The following OR5A1 variants were observed in gnomAD, a reference collection of about 807,000 sequenced individuals.
The protein encoded by OR5A1 is olfactory receptor 5A1.
Under a neutral mutation model 6.7 loss-of-function variants are expected in OR5A1, and 6 were observed. That is an observed-to-expected ratio of 0.89 (90% confidence interval 0.49 to 1.76). OR5A1 has a LOEUF of 1.76. Among genes scored for constraint, OR5A1 ranks in the 40% most tolerant of loss-of-function variants. The pLI is 0.01. For synonymous variants in OR5A1, 170 were observed against 155.0 expected (o/e 1.10, Z -0.72); for missense variants, 378 against 381.7 (o/e 0.99, Z 0.08).
At position 59,445,941 on chromosome 11, in the gene OR5A1, T is replaced by A. The variant is rs562917508; in HGVS notation, c.*1825T>A. 3.3e-5 allele frequency: 5 copies of A among 152,276 alleles called. No homozygotes were observed. Among genetic ancestry groups the A allele is most frequent in the Non-Finnish European group, 7.4e-5 (5 of 68,012 alleles). 9.4% of individuals were successfully genotyped at this position (152,276 alleles called of 1,614,324 possible). Reference sequence around the variant, plus strand: ...AAATTTTCTCCCATTCTGTAGGTTGTCTGTTCATTCTAATGATAGCTTCTT... The same window carrying A: ...AAATTTTCTCCCATTCTGTAGGTTGACTGTTCATTCTAATGATAGCTTCTT... On this transcript the variant is annotated 3_prime_UTR_variant, in exon 2 of 2. Transcript: ENST00000641045.
chr11:59,449,483 T>A lies in OR5A1; in HGVS notation c.*5367T>A, dbSNP rs1858591135. The stretch of plus-strand genomic sequence containing the variant: ...AAAATACTGGGCTTCCTAAGACACA[T>A]TCAAATAAGGTAATTTTTCAAAAAT... On this transcript the variant is annotated 3_prime_UTR_variant, in exon 2 of 2. Coordinates refer to ENST00000641045, the MANE Select transcript of OR5A1 (RefSeq NM_001004728.2). 1 of 152,160 alleles carries A rather than the reference T, an allele frequency of 6.6e-6. No homozygotes were observed. The highest frequency in any genetic ancestry group is 2.4e-5 in the African/African-American group (1 of 41,446). 9.4% of individuals were successfully genotyped at this position (152,160 alleles called of 1,614,324 possible).
rs1858524682 is a variant in OR5A1 at position 59,444,404 on chromosome 11, T to C, written c.*288T>C. 1 of 256,866 alleles carries C rather than the reference T, an allele frequency of 3.9e-6. No homozygotes were observed. Among genetic ancestry groups the C allele is most frequent in the East Asian group, 6.7e-5 (1 of 14,842 alleles). The allele number at this position is 256,866 out of a possible 1,614,324, so 15.9% of individuals were successfully genotyped here. On this transcript the variant is annotated 3_prime_UTR_variant, in exon 2 of 2. Coordinates refer to ENST00000641045, the MANE Select transcript of OR5A1 (RefSeq NM_001004728.2). ...TAACTAGCCTTTATTGGGCCCTTAGTATGTACCAGGCACAAAAGTTATTTA... is the reference window on the plus strand; with the variant it reads ...TAACTAGCCTTTATTGGGCCCTTAGCATGTACCAGGCACAAAAGTTATTTA...
intron 1 of OR5A1, among the ~76,000 whole-genome samples, chr11:59,438,622 G>A (rs1270145784): frequency 1.3e-5 from 2 of 152,114 alleles, no homozygotes; most frequent in Non-Finnish European, 2.9e-5. Context: ...AAGTACATTT[G>A]AGCCCTTGCA....
At position 59,444,320 on chromosome 11, in the gene OR5A1, A is replaced by G. The variant is rs557202571; in HGVS notation, c.*204A>G. 2,989 of 142,800 alleles carry G rather than the reference A, an allele frequency of 0.021. 26 individuals are homozygous for G. Among genetic ancestry groups the G allele is most frequent in the Non-Finnish European group, 0.031 (2,328 of 74,204 alleles). The allele number at this position is 142,800 out of a possible 1,614,324, so 8.8% of individuals were successfully genotyped here. A position where few individuals can be genotyped will look rare whatever the true frequency, so the allele number is the denominator to read the frequency against. Reference sequence around the variant, plus strand: ...CCAAAAAGGGAAGGAATTTCTTCAGAAAAAAAAAAAAAAAAAAAAGAACCT... The same window carrying G: ...CCAAAAAGGGAAGGAATTTCTTCAGGAAAAAAAAAAAAAAAAAAAGAACCT... On this transcript the variant is annotated 3_prime_UTR_variant, in exon 2 of 2. Transcript: ENST00000641045.
rs531092347 is a variant in OR5A1 at position 59,450,642 on chromosome 11, G to A, written c.*6526G>A. On this transcript the variant is annotated 3_prime_UTR_variant, in exon 2 of 2. Transcript: ENST00000641045. ...TTTTTTTAATTAGACACAACAGAAC[G>A]TCTTTTTAAAATAAAAATGCCAAAA... 15 of 152,066 alleles carry A rather than the reference G, an allele frequency of 9.9e-5. No homozygotes were observed. Among genetic ancestry groups the A allele is most frequent in the African/African-American group, 2.7e-4 (11 of 41,472 alleles). 9.4% of individuals were successfully genotyped at this position (152,066 alleles called of 1,614,324 possible). A position where few individuals can be genotyped will look rare whatever the true frequency, so the allele number is the denominator to read the frequency against.
Position 59,444,156 on chromosome 11 carries a change from T to A in OR5A1, c.*40T>A, listed in dbSNP as rs748185154. The A allele has an allele frequency of 7.1e-7, 1 of 1,400,536 alleles. No individual in the cohort carries two copies. The highest frequency in any genetic ancestry group is 2.3e-5 in the East Asian group (1 of 43,788). The allele number at this position is 1,400,536 out of a possible 1,614,324, so 86.8% of individuals were successfully genotyped here. On this transcript the variant is annotated 3_prime_UTR_variant, in exon 2 of 2. Transcript: ENST00000641045. ...CTTATTTATCCAAACTGCTGGAGAA[T>A]TAAACAATCCAAGCCTTCACCTCCA... is the stretch of plus-strand genomic sequence containing the variant.
In OR5A1 at chr11:59,444,138, A is replaced by T; in HGVS notation, c.*22A>T. 6.6e-7 allele frequency: 1 copy of T among 1,504,220 alleles called. No homozygotes were observed. The highest frequency in any genetic ancestry group is 1.1e-5 in the South Asian group (1 of 87,352). The allele number at this position is 1,504,220 out of a possible 1,614,324, so 93.2% of individuals were successfully genotyped here. On this transcript the variant is annotated 3_prime_UTR_variant, in exon 2 of 2. Transcript: ENST00000641045. Reference sequence around the variant, plus strand: ...TTAGGTCATGCGTAGAAACTTATTTATCCAAACTGCTGGAGAATTAAACAA... The same window carrying T: ...TTAGGTCATGCGTAGAAACTTATTTTTCCAAACTGCTGGAGAATTAAACAA...
Position 59,443,565 on chromosome 11 carries a change from C to T in OR5A1, c.397C>T (p.Leu133Phe), listed in dbSNP as rs1450187413. 6 of 1,614,000 alleles carry T rather than the reference C, an allele frequency of 3.7e-6. No individual in the cohort carries two copies. In the South Asian group the frequency reaches 6.6e-5, roughly 18 times the overall value. Residue 133 changes from leucine (L) to phenylalanine (F), a missense_variant, in exon 2 of 2, where the codon CTT (leucine) becomes TTT (phenylalanine). Transcript: ENST00000641045. ...YDRYAAISSPLLYPTIMTQGL... is the reference protein window; with the variant it reads ...YDRYAAISSPFLYPTIMTQGL... Reference sequence around the variant, plus strand: ...CCGATATGCAGCCATCTCCAGCCCCCTTCTCTACCCCACTATCATGACCCA... The same window carrying T: ...CCGATATGCAGCCATCTCCAGCCCCTTTCTCTACCCCACTATCATGACCCA...
In OR5A1 at chr11:59,444,101, G is replaced by A. The variant is rs1858520240; in HGVS notation, c.933G>A (p.Lys311=). 6.2e-7 allele frequency: 1 copy of A among 1,611,468 alleles called. No homozygotes were observed. The highest frequency in any genetic ancestry group is 1.7e-5 in the Admixed American group (1 of 59,916). ...KDALWKVLER[K]KVFS ...CCCTGTGGAAGGTGTTGGAAAGGAA[G>A]AAAGTGTTTTCTTAGGTCATGCGTA... is the stretch of plus-strand genomic sequence containing the variant. The change falls in exon 2 of 2, where the codon AAG becomes AAA. Residue 311 remains lysine, a synonymous_variant. Transcript: ENST00000641045.
At chr11:59,440,055 A>G (rs756233254) in intron 1 of OR5A1, among the ~76,000 whole-genome samples, 1 of 151,934 alleles carries the variant, frequency 6.6e-6, no homozygotes, top group Non-Finnish European at 1.5e-5. Flanking sequence ...TCTGTTAAGT[A>G]GTTACTGTTT....
rs1858536883 is a variant in OR5A1 at position 59,445,475 on chromosome 11, T to A, written c.*1359T>A. The A allele has an allele frequency of 6.6e-6, 1 of 152,170 alleles. No homozygotes were observed. The highest frequency in any genetic ancestry group is 6.5e-5 in the Admixed American group (1 of 15,286). The allele number at this position is 152,170 out of a possible 1,614,324, so 9.4% of individuals were successfully genotyped here. ...AATAGTGCTGCAATGAACATACACA[T>A]GCATGTATATTTATAATAGAATTAT... On this transcript the variant is annotated 3_prime_UTR_variant, in exon 2 of 2. Transcript: ENST00000641045.
Position 59,445,042 on chromosome 11 carries a change from AGGATGTGCAG to A in OR5A1, c.*928_*937del, listed in dbSNP as rs1352824613. On this transcript the variant is annotated 3_prime_UTR_variant, in exon 2 of 2. Coordinates refer to ENST00000641045, the MANE Select transcript of OR5A1 (RefSeq NM_001004728.2). ...ATTTTAAGTTCCGGGATACATATGC[AGGATGTGCAG>A]GTTTGTTACATAGGTAAACATATGT... is the stretch of plus-strand genomic sequence containing the variant. The A allele has an allele frequency of 6.6e-6, 1 of 152,064 alleles. No individual in the cohort carries two copies. Among genetic ancestry groups the A allele is most frequent in the Non-Finnish European group, 1.5e-5 (1 of 68,024 alleles). The allele number at this position is 152,064 out of a possible 1,614,324, so 9.4% of individuals were successfully genotyped here.
chr11:59,439,197 T>A (rs555663170), intron 1 of OR5A1, among the ~76,000 whole-genome samples: 2 of 152,320 alleles, frequency 1.3e-5, no homozygotes, highest in East Asian at 3.9e-4. Flanking sequence ...TGATGGAAAA[T>A]GAACAGAATC....
chr11:59,447,240 A>C lies in OR5A1; in HGVS notation c.*3124A>C, dbSNP rs1858560735. On this transcript the variant is annotated 3_prime_UTR_variant, in exon 2 of 2. Coordinates refer to ENST00000641045, the MANE Select transcript of OR5A1 (RefSeq NM_001004728.2). ...TGGGGAGGTTTTATAGTGGCAGCCA[A>C]ATATACCACCCAGGGAAAATACTAG... 6.6e-6 allele frequency: 1 copy of C among 152,162 alleles called. No homozygotes were observed. The highest frequency in any genetic ancestry group is 2.4e-5 in the African/African-American group (1 of 41,426). 9.4% of individuals were successfully genotyped at this position (152,162 alleles called of 1,614,324 possible). A position where few individuals can be genotyped will look rare whatever the true frequency, so the allele number is the denominator to read the frequency against.
intron 1 of OR5A1, among the ~76,000 whole-genome samples, chr11:59,440,069 T>G (rs969017731): frequency 6.6e-6 from 1 of 152,186 alleles, no homozygotes; most frequent in Non-Finnish European, 1.5e-5. Context: ...ACTGTTTGTT[T>G]TATTGTTGTT....
At position 59,448,906 on chromosome 11, in the gene OR5A1, G is replaced by A. The variant is rs377726014; in HGVS notation, c.*4790G>A. The A allele has an allele frequency of 2.0e-4, 30 of 152,100 alleles. No individual in the cohort carries two copies. In the East Asian group the frequency reaches 2.1e-3, roughly 11 times the overall value. 9.4% of individuals were successfully genotyped at this position (152,100 alleles called of 1,614,324 possible). A position where few individuals can be genotyped will look rare whatever the true frequency, so the allele number is the denominator to read the frequency against. The stretch of plus-strand genomic sequence containing the variant: ...TATTGTTGATGAAATTTCTGTAATC[G>A]TTATCATACAAGGACTTTGCATCAA... On this transcript the variant is annotated 3_prime_UTR_variant, in exon 2 of 2. Transcript: ENST00000641045.
rs781514025 is a variant in OR5A1 at position 59,443,289 on chromosome 11, AC to A, written c.124del (p.Leu42TrpfsTer10). On this transcript the variant is annotated frameshift_variant, in exon 2 of 2. Coordinates refer to ENST00000641045, the MANE Select transcript of OR5A1 (RefSeq NM_001004728.2). LOFTEE classifies it high-confidence loss of function. ...FVTFLGIYLT[T>X]LAWNLALIFL... Reference sequence around the variant, plus strand: ...GACCTTCCTGGGCATCTATCTTACCACCCTGGCCTGGAACCTGGCCCTCATT... The same window carrying A: ...GACCTTCCTGGGCATCTATCTTACCACCTGGCCTGGAACCTGGCCCTCATT... The A allele has an allele frequency of 1.2e-6, 2 of 1,613,074 alleles. No homozygotes were observed. The highest frequency in any genetic ancestry group is 8.5e-7 in the Non-Finnish European group (1 of 1,179,646).
chr11:59,446,374 T>G lies in OR5A1; in HGVS notation c.*2258T>G, dbSNP rs897757073. 2.0e-5 allele frequency: 3 copies of G among 152,216 alleles called. No homozygotes were observed. The highest frequency in any genetic ancestry group is 7.2e-5 in the African/African-American group (3 of 41,456). 9.4% of individuals were successfully genotyped at this position (152,216 alleles called of 1,614,324 possible). On this transcript the variant is annotated 3_prime_UTR_variant, in exon 2 of 2. Coordinates refer to ENST00000641045, the MANE Select transcript of OR5A1 (RefSeq NM_001004728.2). Reference sequence around the variant, plus strand: ...TGTTTTTGTACAAGTACCATGTTGTTTTGGTTACCATAGACTTGTAGTATA... The same window carrying G: ...TGTTTTTGTACAAGTACCATGTTGTGTTGGTTACCATAGACTTGTAGTATA...
intron 1 of OR5A1, among the ~76,000 whole-genome samples, chr11:59,441,548 A>G (rs1858480294): frequency 1.3e-5 from 2 of 152,342 alleles, no homozygotes; most frequent in Admixed American, 6.5e-5. Flanking sequence ...ACCATAAGCC[A>G]CATGGCCCTC....
Sources: gnomAD v4.1 joint callset for allele counts (sites outside exome capture counted in the v4.1 genomes callset) on GRCh38, gnomAD v4.1.1 for gene constraint, MANE v1.5 for transcripts, NCBI Gene and HGNC (gene_info 2026-07-23, HGNC 2026-07-21) for gene names.